Variants in PDPR observed in about 807,000 individuals in gnomAD.
PDPR encodes the protein pyruvate dehydrogenase phosphatase regulatory subunit, mitochondrial.
In PDPR, 50 loss-of-function variants were observed where a neutral mutation model predicts 102.2. The ratio of observed to expected loss-of-function variants is 0.49; its 90% confidence interval spans 0.39 to 0.62. The LOEUF (loss-of-function observed/expected upper bound fraction) is 0.62. Among genes scored for constraint, PDPR ranks in the 20% least tolerant of loss-of-function variants. The pLI is 0.00. For synonymous variants in PDPR, 259 were observed against 406.0 expected (o/e 0.64, Z 4.35); for missense variants, 625 against 1,098.2 (o/e 0.57, Z 6.09).
intron 2 of PDPR, among the ~76,000 whole-genome samples, chr16:70,118,895 TGA>T (rs1395208688): frequency 6.6e-6 from 1 of 152,060 alleles, no homozygotes; most frequent in South Asian, 2.1e-4. Context: ...GTTGCAATTC[TGA>T]GAGTCATCTC....
At chr16:70,122,618 C>T (rs1963443471) in intron 3 of PDPR, among the ~76,000 whole-genome samples, 1 of 152,244 alleles carries the variant, frequency 6.6e-6, no homozygotes, top group South Asian at 2.1e-4. Flanking sequence ...GGGCCAGTGC[C>T]CTTTGAGGAG....
At position 70,161,892 on chromosome 16, in the gene PDPR, G is replaced by A. The variant is rs571417030; in HGVS notation, c.*5013G>A. The A allele has an allele frequency of 6.6e-6, 1 of 152,458 alleles. No individual in the cohort carries two copies. Among genetic ancestry groups the A allele is most frequent in the African/African-American group, 2.4e-5 (1 of 41,578 alleles). The allele number at this position is 152,458 out of a possible 1,614,324, so 9.4% of individuals were successfully genotyped here. The stretch of plus-strand genomic sequence containing the variant: ...CCATCTTCTGCCTTCTTATTTTCCT[G>A]TCTGTCAAAGACAGAAATTACAGGA... On this transcript the variant is annotated 3_prime_UTR_variant, in exon 19 of 19. Transcript: ENST00000288050.
In PDPR at chr16:70,160,420, CAG is replaced by C. The variant is rs1261635365; in HGVS notation, c.*3547_*3548del. The stretch of plus-strand genomic sequence containing the variant: ...TGTATGATGGCAGGACAGGCTCCAG[CAG>C]AGAGAACTGCACAGTGACCACTGTA... On this transcript the variant is annotated 3_prime_UTR_variant, in exon 19 of 19. Coordinates refer to ENST00000288050, the MANE Select transcript of PDPR (RefSeq NM_017990.5). 2 of 152,912 alleles carry C rather than the reference CAG, an allele frequency of 1.3e-5. No individual in the cohort carries two copies. The highest frequency in any genetic ancestry group is 2.4e-5 in the African/African-American group (1 of 41,484). 9.5% of individuals were successfully genotyped at this position (152,912 alleles called of 1,614,324 possible). A position where few individuals can be genotyped will look rare whatever the true frequency, so the allele number is the denominator to read the frequency against.
chr16:70,154,536 T>C (rs1966897892), intron 18 of PDPR, among the ~76,000 whole-genome samples: 1 of 152,404 alleles, frequency 6.6e-6, no homozygotes, highest in East Asian at 1.9e-4. Context: ...GACTGAGTGC[T>C]TTCTGGGAAG....
chr16:70,142,966 C>T (rs563323677), intron 13 of PDPR, among the ~76,000 whole-genome samples: 41 of 152,316 alleles, frequency 2.7e-4, no homozygotes, highest in African/African-American at 8.2e-4. Context: ...GAGGCCGAGA[C>T]GGGTGGATCA....
chr16:70,158,527 G>A lies in PDPR; in HGVS notation c.*1648G>A, dbSNP rs1227500119. 1 of 153,042 alleles carries A rather than the reference G, an allele frequency of 6.5e-6. No individual in the cohort carries two copies. The highest frequency in any genetic ancestry group is 1.5e-5 in the Non-Finnish European group (1 of 68,390). The allele number at this position is 153,042 out of a possible 1,614,324, so 9.5% of individuals were successfully genotyped here. A position where few individuals can be genotyped will look rare whatever the true frequency, so the allele number is the denominator to read the frequency against. On this transcript the variant is annotated 3_prime_UTR_variant, in exon 19 of 19. Coordinates refer to ENST00000288050, the MANE Select transcript of PDPR (RefSeq NM_017990.5). ...ACATTTCTTGCCACTTCCCCAACTA[G>A]ACCACTCCTAGTGATTACTGACTTT...
chr16:70,145,462 G>A (rs1453620462), intron 15 of PDPR, among the ~76,000 whole-genome samples: 5 of 152,252 alleles, frequency 3.3e-5, no homozygotes, highest in African/African-American at 1.2e-4. Context: ...TTTTAAGGAT[G>A]ACTTGGTTCC....
chr16:70,116,770 G>A (rs1327798484), intron 2 of PDPR, among the ~76,000 whole-genome samples: 3 of 152,062 alleles, frequency 2.0e-5, no homozygotes, highest in Non-Finnish European at 1.5e-5. Flanking sequence ...TCCAACTTCC[G>A]ACCTCAAATG....
At position 70,142,686 on chromosome 16, in the gene PDPR, A is replaced by G. The variant is rs1252200418; in HGVS notation, c.1605A>G (p.Thr535=). 15 of 1,614,066 alleles carry G rather than the reference A, an allele frequency of 9.3e-6. No homozygotes were observed. The East Asian group carries it at 1.6e-4, about 17-fold the overall frequency. Residue 535 remains threonine, a splice_region_variant and synonymous_variant, in exon 13 of 19, where the codon ACA becomes ACG. Transcript: ENST00000288050. Reference sequence around the variant, plus strand: ...CCTCTTTCACAAAGTTTGAGATAACAGTAAGTATTTGGGAACCAAAAAGTA... The same window carrying G: ...CCTCTTTCACAAAGTTTGAGATAACGGTAAGTATTTGGGAACCAAAAAGTA... The part of the protein sequence containing the change: ...DMSSFTKFEI[T]STGDQALEVL...
At chr16:70,137,920 G>A (rs1283020756) in intron 10 of PDPR, among the ~76,000 whole-genome samples, 2 of 152,264 alleles carry the variant, frequency 1.3e-5, no homozygotes, top group Non-Finnish European at 2.9e-5. Context: ...CCAGGCTGGA[G>A]TGCAGTGGCA....
At position 70,156,868 on chromosome 16, in the gene PDPR, C is replaced by G; in HGVS notation, c.2629C>G (p.His877Asp). ...RKDDMELSDL[H>D]GK ...GGATGACATGGAGCTGAGTGACTTA[C>G]ATGGGAAGTGATGCCACCAGGGCAG... The change falls in exon 19 of 19, where the codon CAT becomes GAT. Residue 877 changes from histidine to aspartate, a missense_variant. This residue lies in a region of PDPR where 303 missense variants were observed against 258.9 expected (regional missense o/e 1.17). Transcript: ENST00000288050. The G allele has an allele frequency of 6.2e-7, 1 of 1,613,584 alleles. No homozygotes were observed. The highest frequency in any genetic ancestry group is 8.5e-7 in the Non-Finnish European group (1 of 1,179,678).
intron 17 of PDPR, among the ~76,000 whole-genome samples, chr16:70,149,207 T>TA (rs200382490): frequency 0.023 from 3,406 of 149,022 alleles, no homozygotes; most frequent in Middle Eastern, 0.038. Flanking sequence ...GCCCCCTTTT[T>TA]AAAAACAGAA....
At chr16:70,123,814 A>T (rs1444377838) in intron 3 of PDPR, among the ~76,000 whole-genome samples, 1 of 152,280 alleles carries the variant, frequency 6.6e-6, no homozygotes, top group Non-Finnish European at 1.5e-5. Context: ...GGACTTTGGG[A>T]GGCCAAGGTG....
At chr16:70,162,620 T>C (rs1207577702), downstream of PDPR, 1 of 152,610 alleles carries the variant, frequency 6.6e-6, no homozygotes, top group African/African-American at 2.4e-5. Flanking sequence ...CAGAGGAGAG[T>C]GTGTACCTCC....
intron 3 of PDPR, among the ~76,000 whole-genome samples, chr16:70,124,456 ATTG>A (rs1431431007): frequency 3.9e-5 from 6 of 152,380 alleles, no homozygotes; most frequent in African/African-American, 1.4e-4. Flanking sequence ...CATCTTCACT[ATTG>A]TTCTCATAGA....
intron 9 of PDPR, among the ~76,000 whole-genome samples, chr16:70,135,259 TGGAG>T (rs1390439536): frequency 6.7e-6 from 1 of 148,298 alleles, no homozygotes; most frequent in Non-Finnish European, 1.5e-5. Flanking sequence ...TTTCCTGAGA[TGGAG>T]TTTCACTCTA....
chr16:70,136,372 T>G lies in PDPR; in HGVS notation c.1176T>G (p.Gly392=). 6.2e-7 allele frequency: 1 copy of G among 1,610,082 alleles called. No individual in the cohort carries two copies. Among genetic ancestry groups the G allele is most frequent in the South Asian group, 1.1e-5 (1 of 90,138 alleles). ...AGMNSAGLSF[G]GGAGKYLAEW... ...TGAACTCTGCTGGCCTTTCATTTGGTGGAGGAGCCGGAAAGTAAGTCTTTC... is the reference window on the plus strand; with the variant it reads ...TGAACTCTGCTGGCCTTTCATTTGGGGGAGGAGCCGGAAAGTAAGTCTTTC... Residue 392 remains glycine (G), a synonymous_variant, in exon 10 of 19, where the codon GGT becomes GGG. Coordinates refer to ENST00000288050, the MANE Select transcript of PDPR (RefSeq NM_017990.5).
At chr16:70,149,259 T>C (rs375172427) in intron 17 of PDPR, among the ~76,000 whole-genome samples, 30,038 of 137,836 alleles carry the variant, frequency 0.22, 1,051 homozygotes, top group Non-Finnish European at 0.29. Context: ...TTTTTTTTTT[T>C]CACTTCACAA....
At position 70,160,073 on chromosome 16, in the gene PDPR, A is replaced by G. The variant is rs530978764; in HGVS notation, c.*3194A>G. On this transcript the variant is annotated 3_prime_UTR_variant, in exon 19 of 19. Coordinates refer to ENST00000288050, the MANE Select transcript of PDPR (RefSeq NM_017990.5). ...CTGCCTTCTCTTGTCGGTGTATGCC[A>G]TCTGAACCTAGGAACACAAAGTATA... is the stretch of plus-strand genomic sequence containing the variant. The G allele has an allele frequency of 1.8e-4, 27 of 152,764 alleles. No homozygotes were observed. The highest frequency in any genetic ancestry group is 6.3e-4 in the African/African-American group (26 of 41,598). 9.5% of individuals were successfully genotyped at this position (152,764 alleles called of 1,614,324 possible). A position where few individuals can be genotyped will look rare whatever the true frequency, so the allele number is the denominator to read the frequency against.
Sources: gnomAD v4.1 joint callset for allele counts (sites outside exome capture counted in the v4.1 genomes callset) on GRCh38, gnomAD v4.1.1 for gene constraint, gnomAD v4.1.1 regional missense constraint, MANE v1.5 for transcripts, NCBI Gene and HGNC (gene_info 2026-07-23, HGNC 2026-07-21) for gene names.